The following MACROD2 variants were observed in gnomAD, a reference collection of about 807,000 sequenced individuals.
MACROD2 encodes ADP-ribose glycohydrolase MACROD2.
In MACROD2, 36 loss-of-function variants were observed where a neutral mutation model predicts 70.4. The ratio of observed to expected loss-of-function variants is 0.51; its 90% CI spans 0.39 to 0.68. MACROD2 has a LOEUF of 0.68. Among genes scored for constraint, MACROD2 ranks in the 30% least tolerant of loss-of-function variants. The probability of loss-of-function intolerance (pLI) is 0.00; values close to 1 mark genes in which losing one functional copy is unlikely to be tolerated. For synonymous variants in MACROD2, 172 were observed against 178.8 expected, an observed-to-expected ratio of 0.96 and a Z score of 0.30; for missense variants, 496 against 538.4, an observed-to-expected ratio of 0.92 and a Z score of 0.78.
intron 5 of MACROD2, among the ~76,000 whole-genome samples, chr20:14,990,597 T>A (rs1734106368): frequency 6.9e-6 from 1 of 145,398 alleles, no homozygotes; most frequent in Non-Finnish European, 1.5e-5. Flanking sequence ...CACTGAAACC[T>A]CTGCCTCTCA....
chr20:15,523,346 G>C (rs1035677810), intron 8 of MACROD2, among the ~76,000 whole-genome samples: 1 of 152,154 alleles, frequency 6.6e-6, no homozygotes, highest in Non-Finnish European at 1.5e-5. Flanking sequence ...TGAATTTTTA[G>C]AGCCATCACA....
intron 3 of MACROD2, among the ~76,000 whole-genome samples, chr20:14,423,871 T>C (rs2083905260): frequency 6.9e-6 from 1 of 145,730 alleles, no homozygotes; most frequent in Admixed American, 7.1e-5. Flanking sequence ...CAAGAGATTC[T>C]CCTGGCCCAG....
At chr20:15,499,961 A>T in intron 8 of MACROD2, 114 bp downstream of exon 8, 1 of 928,012 alleles carries the variant, frequency 1.1e-6, no homozygotes, top group East Asian at 2.6e-5. Context: ...TCATTGAGCC[A>T]AACCTAGCTG....
At chr20:15,150,849 G>C (rs2076264266) in intron 5 of MACROD2, among the ~76,000 whole-genome samples, 1 of 152,006 alleles carries the variant, frequency 6.6e-6, no homozygotes, top group Non-Finnish European at 1.5e-5. Context: ...GTGCTTAAAA[G>C]AGTGTTGTCT....
intron 5 of MACROD2, chr20:14,884,448 T>C (rs1326993656): frequency 6.6e-6 from 1 of 152,126 alleles, no homozygotes; most frequent in Admixed American, 6.6e-5. Context: ...GGGTCTGTTG[T>C]ATGGGGTCAT....
chr20:14,952,843 C>T (rs2074486674), intron 5 of MACROD2, among the ~76,000 whole-genome samples: 2 of 152,036 alleles, frequency 1.3e-5, no homozygotes, highest in African/African-American at 4.8e-5. Context: ...TTTAAAGGAA[C>T]ATGACATTCT....
chr20:15,360,063 T>G (rs1326046817), intron 6 of MACROD2, among the ~76,000 whole-genome samples: 4 of 152,174 alleles, frequency 2.6e-5, no homozygotes, highest in African/African-American at 9.6e-5. Context: ...CTCTCTATAA[T>G]TTGGCCATTT....
intron 3 of MACROD2, among the ~76,000 whole-genome samples, chr20:14,320,292 C>T (rs2082647356): frequency 6.6e-6 from 1 of 151,868 alleles, no homozygotes; most frequent in African/African-American, 2.4e-5. Context: ...TTCTTTATTT[C>T]TTTTTTGACC....
intron 5 of MACROD2, among the ~76,000 whole-genome samples, chr20:14,690,124 G>A (rs539842668): frequency 5.3e-5 from 8 of 152,072 alleles, no homozygotes; most frequent in Admixed American, 4.6e-4. Flanking sequence ...CTTATTTGAT[G>A]GTTTTCAGCA....
intron 8 of MACROD2, among the ~76,000 whole-genome samples, chr20:15,672,955 G>T (rs1005501027): frequency 2.2e-4 from 34 of 152,256 alleles, no homozygotes; most frequent in African/African-American, 7.7e-4. Context: ...TGAGTTCCCT[G>T]CACAAGTTCT....
rs547552295 is a variant in MACROD2 at position 14,512,718 on chromosome 20, A to T, written c.301+19210A>T. Among the ~76,000 whole-genome samples, 9 of 152,120 alleles carry T rather than the reference A, an allele frequency of 5.9e-5. No homozygotes were observed. The South Asian group carries it at 1.7e-3, about 28-fold the overall frequency. ...GGAGATGCTCTTGTTGGAAACTAAG[A>T]TTTTTTTGTCCTCTCGTGCCTCACA... is the stretch of plus-strand genomic sequence containing the variant. On this transcript the variant is annotated intron_variant, in intron 4 of 17. Coordinates refer to ENST00000684519, the MANE Select transcript of MACROD2 (RefSeq NM_001351661.2).
At chr20:14,437,818 T>C (rs1023493953) in intron 3 of MACROD2, among the ~76,000 whole-genome samples, 1 of 152,190 alleles carries the variant, frequency 6.6e-6, no homozygotes, top group Non-Finnish European at 1.5e-5. Context: ...AAGATGTTTT[T>C]AAATAAATTC....
intron 5 of MACROD2, among the ~76,000 whole-genome samples, chr20:15,163,787 A>G (rs1205448523): frequency 2.0e-5 from 3 of 152,090 alleles, no homozygotes; most frequent in African/African-American, 7.2e-5. Flanking sequence ...TGATATATTT[A>G]CTATGTAAAC....
At chr20:15,844,708 C>T (rs922868516) in intron 8 of MACROD2, among the ~76,000 whole-genome samples, 2 of 152,114 alleles carry the variant, frequency 1.3e-5, no homozygotes, top group African/African-American at 4.8e-5. Context: ...CTTCTCAACC[C>T]CCACCATTGT....
At chr20:15,911,328 G>A (rs6135598) in intron 10 of MACROD2, among the ~76,000 whole-genome samples, 7,186 of 152,274 alleles carry the variant, frequency 0.047, 327 homozygotes, top group East Asian at 0.23. Flanking sequence ...CTAGTTCGTC[G>A]TCAGTAAATA....
intron 2 of MACROD2, among the ~76,000 whole-genome samples, chr20:14,068,274 C>G (rs1039528708): frequency 6.6e-6 from 1 of 151,558 alleles, no homozygotes; most frequent in South Asian, 2.1e-4. Flanking sequence ...CCCCCACCCC[C>G]CCTGTGCTCC....
intron 12 of MACROD2, among the ~76,000 whole-genome samples, chr20:15,949,795 A>G (rs982828077): frequency 1.3e-5 from 2 of 152,152 alleles, no homozygotes; most frequent in African/African-American, 4.8e-5. Context: ...AAACCAGCAC[A>G]ATTTTTAGAG....
At chr20:15,240,222 G>A (rs1016907761) in intron 6 of MACROD2, among the ~76,000 whole-genome samples, 2 of 152,054 alleles carry the variant, frequency 1.3e-5, no homozygotes, top group Admixed American at 1.3e-4. Flanking sequence ...TTATCATATA[G>A]CATGTCTTAG....
At chr20:15,328,373 C>T (rs6135389) in intron 6 of MACROD2, among the ~76,000 whole-genome samples, 26,621 of 152,050 alleles carry the variant, frequency 0.18, 2,643 homozygotes, top group Non-Finnish European at 0.23. Flanking sequence ...GACTTTTACT[C>T]TGAGTGAAAC....
Sources: allele counts gnomAD v4.1 joint callset (sites outside exome capture counted in the v4.1 genomes callset), GRCh38; gene constraint gnomAD v4.1.1; transcripts MANE v1.5; gene names NCBI Gene and HGNC (gene_info 2026-07-23, HGNC 2026-07-21).